Variants in CRTC1 observed in about 807,000 individuals in gnomAD.
CRTC1 encodes the protein CREB regulated transcription coactivator 1, also known as CREB-regulated transcription coactivator 1.
CRTC1 carries 18 observed loss-of-function variants against 66.1 expected under a neutral mutation model. The observed-to-expected ratio is 0.27, with a 90% confidence interval of 0.19 to 0.40. The LOEUF (loss-of-function observed/expected upper bound fraction) is 0.40. CRTC1 is among the 10% of genes least tolerant of loss of function. The pLI is 1.00. For missense variants in CRTC1, 669 were observed against 887.9 expected (o/e 0.75, Z 3.13); for synonymous variants, 416 against 398.8 (o/e 1.04, Z -0.51).
intron 1 of CRTC1, among the ~76,000 whole-genome samples, chr19:18,709,217 A>G (rs2053334404): frequency 1.3e-5 from 2 of 152,112 alleles, no homozygotes; most frequent in Non-Finnish European, 2.9e-5. Flanking sequence ...AGGAGGTGGT[A>G]GCCAAGGGGA....
intron 2 of CRTC1, 31 bp from the exon 3 acceptor site, chr19:18,745,788 TTCTC>T (rs757495176): frequency 8.1e-6 from 13 of 1,612,478 alleles, no homozygotes; most frequent in Non-Finnish European, 1.1e-5. Flanking sequence ...TTGTTTGGAT[TTCTC>T]TCTCTCTGTT....
At chr19:18,753,753 A>C (rs540715209) in intron 6 of CRTC1, among the ~76,000 whole-genome samples, 168 bp downstream of exon 6, 21 of 152,248 alleles carry the variant, frequency 1.4e-4, no homozygotes, top group African/African-American at 5.1e-4. Context: ...AGGTCTGTTG[A>C]TCACTAAGAT....
Position 18,768,642 on chromosome 19 carries a change from T to C in CRTC1, c.1169T>C (p.Val390Ala), listed in dbSNP as rs2054791272. 1 of 1,398,582 alleles carries C rather than the reference T, an allele frequency of 7.2e-7. No homozygotes were observed. Among genetic ancestry groups the C allele is most frequent in the Non-Finnish European group, 9.6e-7 (1 of 1,041,210 alleles). 86.6% of individuals were successfully genotyped at this position (1,398,582 alleles called of 1,614,324 possible). ...CCCCCGCCACCCCCACAGGCGCCCG[T>C]CCGCCTGCCCCCTGGTGGCCCCCTG... ...PPPPPPPQAPVRLPPGGPLLP... is the reference protein window; with the variant it reads ...PPPPPPPQAPARLPPGGPLLP... Residue 390 changes from valine (V) to alanine (A), a missense_variant, in exon 10 of 14, where the codon GTC becomes GCC. By Grantham distance (64) the Val-to-Ala change is moderately conservative (BLOSUM62 0). Coordinates refer to ENST00000321949, the MANE Select transcript of CRTC1 (RefSeq NM_015321.3). This position sits in a 1 kb window ranked among gnomAD's most constrained non-coding sequence, Gnocchi z 5.6.
Position 18,683,735 on chromosome 19 carries a change from C to T in CRTC1, c.33C>T (p.Ser11=). The T allele has an allele frequency of 2.1e-6, 3 of 1,401,462 alleles. No individual in the cohort carries two copies. The highest frequency in any genetic ancestry group is 2.8e-6 in the Non-Finnish European group (3 of 1,053,578). The allele number at this position is 1,401,462 out of a possible 1,614,324, so 86.8% of individuals were successfully genotyped here. MATSNNPRKF[S]EKIALHNQKQ... ...CTTCGAACAATCCGCGGAAATTCAGCGAGAAGATCGCGCTGCACAATCAGA... is the reference window on the plus strand; with the variant it reads ...CTTCGAACAATCCGCGGAAATTCAGTGAGAAGATCGCGCTGCACAATCAGA... Residue 11 remains serine, a synonymous_variant, in exon 1 of 14, where the codon AGC becomes AGT. Coordinates refer to ENST00000321949, the MANE Select transcript of CRTC1 (RefSeq NM_015321.3).
intron 12 of CRTC1, among the ~76,000 whole-genome samples, 157 bp from the exon 13 acceptor site, chr19:18,775,484 T>G (rs574251877): frequency 2.2e-4 from 34 of 152,058 alleles, no homozygotes; most frequent in African/African-American, 6.8e-4. Flanking sequence ...AGGTGGCGGG[T>G]GGAGTGGGGT....
At chr19:18,774,028 T>A (rs77275938) in intron 11 of CRTC1, among the ~76,000 whole-genome samples, 20,062 of 152,200 alleles carry the variant, frequency 0.13, 1,452 homozygotes, top group Middle Eastern at 0.21. Context: ...CCTTACGCTA[T>A]AGCTCTGAGA....
Position 18,701,387 on chromosome 19 carries a change from C to G in CRTC1, c.126+17559C>G, listed in dbSNP as rs542367837. Among the ~76,000 whole-genome samples, 6 of 152,376 alleles carry G rather than the reference C, an allele frequency of 3.9e-5. 1 individual carries two copies. Among genetic ancestry groups the G allele is most frequent in the African/African-American group, 1.4e-4 (6 of 41,586 alleles). On this transcript the variant is annotated intron_variant, in intron 1 of 13. Coordinates refer to ENST00000321949, the MANE Select transcript of CRTC1 (RefSeq NM_015321.3). Reference sequence around the variant, plus strand: ...CCACGCAAAGTGTCTGGCCCCGTGCCCGGCCCGTGGTGGGTGCACACCTTG... The same window carrying G: ...CCACGCAAAGTGTCTGGCCCCGTGCGCGGCCCGTGGTGGGTGCACACCTTG...
intron 1 of CRTC1, among the ~76,000 whole-genome samples, chr19:18,703,973 C>A (rs954604152): frequency 6.6e-6 from 1 of 152,184 alleles, no homozygotes; most frequent in Admixed American, 6.5e-5. Context: ...CCTCATCATC[C>A]GTGACCTTCA....
chr19:18,721,202 T>TC (rs931328282), intron 1 of CRTC1, among the ~76,000 whole-genome samples: 1 of 151,692 alleles, frequency 6.6e-6, no homozygotes, highest in Non-Finnish European at 1.5e-5. Context: ...TCTGTTTTTT[T>TC]TTTTTTTTTG....
rs532020057 is a variant in CRTC1 at position 18,725,793 on chromosome 19, C to G, written c.127-17117C>G. ...CTTCCCCCAACACAGCCTGCATGGT[C>G]TCCCTCTCCTGGCTTACAGGGTCCG... On this transcript the variant is annotated intron_variant, in intron 1 of 13. Transcript: ENST00000321949. Among the ~76,000 whole-genome samples the G allele has an allele frequency of 2.0e-5, 3 of 152,298 alleles. No homozygotes were observed. In the South Asian group the frequency reaches 6.2e-4, roughly 32 times the overall value.
rs1447136875 is a variant in CRTC1, at chr19:18,730,930, C to T, written c.127-11980C>T. On this transcript the variant is annotated intron_variant, in intron 1 of 13. Coordinates refer to ENST00000321949, the MANE Select transcript of CRTC1 (RefSeq NM_015321.3). ...GGAAGGGCTTGTCCCAGGCCCTCCA[C>T]AGTTCCGGGGCTGAGTATCCTTCCC... 4.6e-5 allele frequency among the ~76,000 whole-genome samples: 7 copies of T among 151,922 alleles called. 1 individual carries two copies. Among genetic ancestry groups the T allele is most frequent in the Admixed American group, 4.6e-4 (7 of 15,254 alleles).
intron 1 of CRTC1, among the ~76,000 whole-genome samples, chr19:18,687,635 T>C (rs907660939): frequency 6.6e-6 from 1 of 152,072 alleles, no homozygotes; most frequent in African/African-American, 2.4e-5. Context: ...AGGTGAGGCA[T>C]GATCGGGTCG....
chr19:18,770,707 T>C (rs953738378), intron 10 of CRTC1, among the ~76,000 whole-genome samples: 1 of 149,828 alleles, frequency 6.7e-6, no homozygotes, highest in East Asian at 2.0e-4. Context: ...GTGTGGACAT[T>C]TGTGGATATG....
intron 6 of CRTC1, among the ~76,000 whole-genome samples, chr19:18,757,812 C>T (rs1228487746): frequency 6.6e-6 from 1 of 150,722 alleles, no homozygotes; most frequent in East Asian, 1.9e-4. Context: ...GTCAGGAGAT[C>T]GAGACCATCC....
At chr19:18,765,974 AAACTC>A (rs752028856) in intron 9 of CRTC1, among the ~76,000 whole-genome samples, 2 of 152,014 alleles carry the variant, frequency 1.3e-5, no homozygotes, top group Non-Finnish European at 2.9e-5. Flanking sequence ...AAAAAAGAAA[AAACTC>A]AAGAGGTTAG....
intron 1 of CRTC1, among the ~76,000 whole-genome samples, chr19:18,717,220 G>A (rs1306519885): frequency 6.6e-6 from 1 of 152,076 alleles, no homozygotes; most frequent in Non-Finnish European, 1.5e-5. Flanking sequence ...CTCCCAGGGT[G>A]GGGCTGAGAG....
At chr19:18,700,438 C>T (rs1354876303) in intron 1 of CRTC1, among the ~76,000 whole-genome samples, 3 of 152,100 alleles carry the variant, frequency 2.0e-5, no homozygotes, top group African/African-American at 4.8e-5. Flanking sequence ...TTCTGCAGGC[C>T]GCCCTTCTCT....
chr19:18,778,852 GCCCACA>G lies in CRTC1; in HGVS notation c.*1474_*1479del. The G allele has an allele frequency of 4.3e-6, 1 of 231,436 alleles. No individual in the cohort carries two copies. 14.3% of individuals were successfully genotyped at this position (231,436 alleles called of 1,614,324 possible). ...TCTCCACCCTACCCTCTGGCTCCTA[GCCCACA>G]CCCCCTCTCTTGGGCAGCGTGGTCT... On this transcript the variant is annotated 3_prime_UTR_variant, in exon 14 of 14. Coordinates refer to ENST00000321949, the MANE Select transcript of CRTC1 (RefSeq NM_015321.3).
intron 5 of CRTC1, 61 bp downstream of exon 5, chr19:18,749,936 G>C: frequency 7.5e-7 from 1 of 1,340,612 alleles, no homozygotes; most frequent in South Asian, 1.2e-5. Context: ...GGTAACCCCT[G>C]TTCTCCAGGA....
Sources: gnomAD v4.1 joint callset for allele counts (sites outside exome capture counted in the v4.1 genomes callset) on GRCh38, gnomAD v4.1.1 for gene constraint, Gnocchi (gnomAD v3.1) non-coding constraint, MANE v1.5 for transcripts, NCBI Gene and HGNC (gene_info 2026-07-23, HGNC 2026-07-21) for gene names.